Variants in ENKUR observed in about 807,000 individuals in gnomAD.
ENKUR encodes enkurin, TRPC channel interacting protein.
Under a neutral mutation model 27.6 loss-of-function variants are expected in ENKUR, and 19 were observed. The ratio of observed to expected loss-of-function variants is 0.69; its 90% confidence interval spans 0.48 to 1.01. The LOEUF is 1.01. Among genes scored for constraint, ENKUR ranks in the 50% least tolerant of loss-of-function variants. The pLI, the probability that ENKUR is intolerant of heterozygous loss-of-function variation, is 0.00. For synonymous variants in ENKUR, 117 were observed against 96.9 expected (o/e 1.21, Z -1.22); for missense variants, 312 against 310.5 (o/e 1.00, Z -0.04).
intron 2 of ENKUR, among the ~76,000 whole-genome samples, chr10:25,037,983 G>A (rs1851025255): frequency 6.6e-6 from 1 of 152,124 alleles, no homozygotes; most frequent in Admixed American, 6.5e-5. Flanking sequence ...CTGATAACTA[G>A]CAGTAAAATA....
At chr10:25,034,042 TA>T (rs1339038929) in intron 2 of ENKUR, among the ~76,000 whole-genome samples, 1 of 152,092 alleles carries the variant, frequency 6.6e-6, no homozygotes, top group Non-Finnish European at 1.5e-5. Flanking sequence ...CATTCATGAC[TA>T]AAGTACATTT....
At chr10:25,048,907 A>G (rs1228373282) in intron 2 of ENKUR, among the ~76,000 whole-genome samples, 4 of 152,010 alleles carry the variant, frequency 2.6e-5, no homozygotes, top group Non-Finnish European at 5.9e-5. Context: ...GAAATGTCCA[A>G]TGTTATGGGG....
upstream of ENKUR, among the ~76,000 whole-genome samples, chr10:25,020,246 A>ATATCTG (rs1850690960): frequency 7.4e-6 from 1 of 134,706 alleles, no homozygotes; most frequent in Admixed American, 8.3e-5. Flanking sequence ...AAATATATCT[A>ATATCTG]TATCTATATC....
intron 2 of ENKUR, among the ~76,000 whole-genome samples, chr10:25,027,975 A>G (rs982265194): frequency 2.6e-5 from 4 of 152,208 alleles, no homozygotes; most frequent in Non-Finnish European, 5.9e-5. Context: ...TAAGTGAAAA[A>G]TGAGTGATAA....
chr10:24,995,562 T>A, intron 3 of ENKUR, 84 bp downstream of exon 3: 3 of 1,220,092 alleles, frequency 2.5e-6, no homozygotes, highest in Non-Finnish European at 3.5e-6. Flanking sequence ...AGAGCACTAA[T>A]AATGATAACA....
intron 1 of ENKUR, among the ~76,000 whole-genome samples, chr10:25,015,330 TG>T (rs1424737299): frequency 1.3e-5 from 2 of 152,200 alleles, no homozygotes; most frequent in East Asian, 3.8e-4. Flanking sequence ...CCTTAGAAAC[TG>T]CCTAATAGTG....
chr10:25,012,297 C>A (rs985898058), intron 1 of ENKUR, among the ~76,000 whole-genome samples: 1 of 152,252 alleles, frequency 6.6e-6, no homozygotes, highest in Non-Finnish European at 1.5e-5. Flanking sequence ...GGGAGCCCCC[C>A]ACACAGAATT....
At chr10:25,060,644 C>T (rs1394819859) in intron 2 of ENKUR, among the ~76,000 whole-genome samples, 2 of 152,134 alleles carry the variant, frequency 1.3e-5, no homozygotes, top group African/African-American at 2.4e-5. Flanking sequence ...ATGCTAGAGA[C>T]TTCACTCTGT....
chr10:25,028,323 C>T (rs1029041146), intron 2 of ENKUR, among the ~76,000 whole-genome samples: 3 of 152,188 alleles, frequency 2.0e-5, no homozygotes, highest in African/African-American at 7.2e-5. Flanking sequence ...CCATACATAA[C>T]ACACCTCAGG....
upstream of ENKUR, among the ~76,000 whole-genome samples, chr10:25,020,035 G>A (rs182288318): frequency 3.9e-4 from 59 of 152,160 alleles, no homozygotes; most frequent in African/African-American, 1.4e-3. Flanking sequence ...GTTAAAAAAT[G>A]TTGAGCCCCT....
chr10:25,049,356 A>G (rs114615272), intron 2 of ENKUR, among the ~76,000 whole-genome samples: 1,620 of 152,150 alleles, frequency 0.011, 29 homozygotes, highest in Middle Eastern at 0.034. Flanking sequence ...ATAAGTGAAC[A>G]GAATTTGGAA....
upstream of ENKUR, among the ~76,000 whole-genome samples, chr10:25,019,004 G>A (rs10828740): frequency 0.28 from 42,879 of 152,014 alleles, 6,455 homozygotes; most frequent in East Asian, 0.5. Context: ...CCTCACCTCT[G>A]TTTCATGGCA....
chr10:25,027,452 A>C (rs1253015293), intron 2 of ENKUR, among the ~76,000 whole-genome samples: 2 of 145,554 alleles, frequency 1.4e-5, no homozygotes, highest in Non-Finnish European at 3.0e-5. Flanking sequence ...CTGGAGAATC[A>C]CTTGAACCTG....
At chr10:25,011,129 T>C (rs997070355) in intron 1 of ENKUR, among the ~76,000 whole-genome samples, 68 of 152,036 alleles carry the variant, frequency 4.5e-4, no homozygotes, top group Non-Finnish European at 8.1e-4. Context: ...TTTTTAATGA[T>C]TGCCATTCTA....
intron 2 of ENKUR, among the ~76,000 whole-genome samples, chr10:25,045,408 A>T (rs1365901628): frequency 1.3e-5 from 2 of 152,224 alleles, no homozygotes; most frequent in African/African-American, 4.8e-5. Context: ...AAATGATTTT[A>T]AAAATACAAG....
At chr10:25,032,322 G>GGGT (rs1554773439) in intron 2 of ENKUR, among the ~76,000 whole-genome samples, 18 of 148,712 alleles carry the variant, frequency 1.2e-4, no homozygotes, top group African/African-American at 4.5e-4. Flanking sequence ...GAAGGGGGGG[G>GGGT]GGCTATGATC....
chr10:25,022,206 G>A (rs1257903604), intron 2 of ENKUR, among the ~76,000 whole-genome samples: 2 of 152,088 alleles, frequency 1.3e-5, no homozygotes, highest in African/African-American at 4.8e-5. Flanking sequence ...TGTTTTAATG[G>A]TGAGTATATT....
chr10:25,006,855 C>T (rs1419233138), intron 1 of ENKUR, among the ~76,000 whole-genome samples: 1 of 152,140 alleles, frequency 6.6e-6, no homozygotes, highest in Non-Finnish European at 1.5e-5. Flanking sequence ...CTTGTTTTTC[C>T]TCATTGCCTC....
chr10:25,018,846 AAT>A (rs1458037139), upstream of ENKUR, among the ~76,000 whole-genome samples: 1 of 152,180 alleles, frequency 6.6e-6, no homozygotes, highest in East Asian at 1.9e-4. Flanking sequence ...GATCGTTAAG[AAT>A]ATGTCTAACA....
Sources: allele counts gnomAD v4.1 joint callset (sites outside exome capture counted in the v4.1 genomes callset), GRCh38; gene constraint gnomAD v4.1.1; transcripts MANE v1.5; gene names NCBI Gene and HGNC (gene_info 2026-07-23, HGNC 2026-07-21).